Variants in ENPP2 observed in about 807,000 individuals in gnomAD.
ENPP2 encodes the protein autotaxin.
Under a neutral mutation model 120.2 loss-of-function variants are expected in ENPP2, and 51 were observed. That is an observed-to-expected ratio of 0.42 (90% CI 0.34 to 0.54). The LOEUF (loss-of-function observed/expected upper bound fraction) is 0.54, where lower values mean the gene tolerates loss of function less well. Ranked by LOEUF, ENPP2 falls within the 20% of genes least tolerant of loss-of-function variation. The pLI is 0.04. For missense variants in ENPP2, 920 were observed against 1,066.5 expected, an observed-to-expected ratio of 0.86 and a Z score of 1.91; for synonymous variants, 365 against 366.4, an observed-to-expected ratio of 1.00 and a Z score of 0.04.
chr8:119,569,263 C>T lies in ENPP2; in HGVS notation c.2025G>A (p.Gln675=), dbSNP rs1306897689. The change falls in exon 21 of 25, where the codon CAG becomes CAA. Residue 675 remains glutamine (Q), a synonymous_variant. Transcript: ENST00000075322. ...GAGGAAAGAGGAATCCGTAGGACAT[C>T]TGCTTATCATTTTTGTAGGCCAAAC... ...QNCLAYKNDK[Q]MSYGFLFPPY... The T allele has an allele frequency of 8.7e-6, 14 of 1,613,964 alleles. No homozygotes were observed. The highest frequency in any genetic ancestry group is 3.3e-5 in the Admixed American group (2 of 60,000).
At chr8:119,576,478 ATTG>A (rs1554607410) in intron 19 of ENPP2, among the ~76,000 whole-genome samples, 2 of 152,152 alleles carry the variant, frequency 1.3e-5, no homozygotes, top group Non-Finnish European at 2.9e-5. Flanking sequence ...CTAACTTCTC[ATTG>A]TGTATGATAA....
At chr8:119,607,519 C>T (rs1814803275) in intron 9 of ENPP2, among the ~76,000 whole-genome samples, 1 of 151,750 alleles carries the variant, frequency 6.6e-6, no homozygotes, top group South Asian at 2.1e-4. Context: ...ACTAAAGATA[C>T]AAAAAATTAG....
chr8:119,568,031 A>G, intron 22 of ENPP2, 144 bp downstream of exon 22: 1 of 577,232 alleles, frequency 1.7e-6, no homozygotes, highest in Non-Finnish European at 3.1e-6. Flanking sequence ...TAGAAAGTTT[A>G]CATGAAAGAT....
intron 18 of ENPP2, among the ~76,000 whole-genome samples, chr8:119,581,761 TC>T (rs1563691370): frequency 7.0e-6 from 1 of 142,354 alleles, no homozygotes; most frequent in Admixed American, 7.6e-5. Flanking sequence ...TTTTTTCATT[TC>T]CTTTTTTTTT....
At chr8:119,632,543 A>G (rs190872188) in intron 2 of ENPP2, among the ~76,000 whole-genome samples, 229 of 152,356 alleles carry the variant, frequency 1.5e-3, no homozygotes, top group African/African-American at 5.2e-3. Flanking sequence ...TAGAAACCTC[A>G]AATTTTAAAA....
At chr8:119,591,624 A>G (rs60287188) in intron 12 of ENPP2, among the ~76,000 whole-genome samples, 3,043 of 152,208 alleles carry the variant, frequency 0.02, 105 homozygotes, top group African/African-American at 0.069. Context: ...AGGATGCCCA[A>G]AGGTTTTAAA....
chr8:119,562,003 G>A (rs535007807), intron 24 of ENPP2, among the ~76,000 whole-genome samples: 26 of 152,234 alleles, frequency 1.7e-4, no homozygotes, highest in African/African-American at 4.3e-4. Context: ...TGTGCGTGGT[G>A]GTGGGCGCCT....
In ENPP2 at chr8:119,638,371, C is replaced by T. The variant is rs557870912; in HGVS notation, c.136+54G>A. On this transcript the variant is annotated intron_variant, in intron 2 of 24. Coordinates refer to ENST00000075322, the MANE Select transcript of ENPP2 (RefSeq NM_001040092.3). ...TATTTTAATAAGCTTACATTGATTA[C>T]CCCGTATGTAATATTTTTAAAAAAT... 16 of 849,856 alleles carry T rather than the reference C, an allele frequency of 1.9e-5. No homozygotes were observed. The African/African-American group carries it at 2.7e-4, about 14-fold the overall frequency. 52.6% of individuals were successfully genotyped at this position (849,856 alleles called of 1,614,324 possible). A position where few individuals can be genotyped will look rare whatever the true frequency, so the allele number is the denominator to read the frequency against.
chr8:119,618,279 T>C (rs780543595), intron 5 of ENPP2: 5 of 499,918 alleles, frequency 1.0e-5, no homozygotes, highest in South Asian at 1.4e-5. Context: ...AAATACTCCA[T>C]GAGTGTATCC....
At chr8:119,639,536 G>A (rs1817200555), upstream of ENPP2, among the ~76,000 whole-genome samples, 1 of 152,102 alleles carries the variant, frequency 6.6e-6, no homozygotes, top group Non-Finnish European at 1.5e-5. Flanking sequence ...CTTCTGCCCT[G>A]GGAGGACGGA....
In ENPP2 at chr8:119,562,931, C is replaced by T. The variant is rs201911203; in HGVS notation, c.2347G>A (p.Asp783Asn). The T allele has an allele frequency of 5.6e-6, 9 of 1,614,076 alleles. No individual in the cohort carries two copies. The highest frequency in any genetic ancestry group is 5.0e-5 in the Admixed American group (3 of 60,008). Reference sequence around the variant, plus strand: ...ACAGAGAGAGGGCCGTCACACTTGTCGGCAGGCTGAGTGAAATCCAGACAG... The same window carrying T: ...ACAGAGAGAGGGCCGTCACACTTGTTGGCAGGCTGAGTGAAATCCAGACAG... ...TSCLDFTQPA[D>N]KCDGPLSVSS... The change falls in exon 24 of 25, where the codon GAC becomes AAC. Residue 783 changes from aspartate to asparagine, a missense_variant. Transcript: ENST00000075322.
At chr8:119,617,442 A>G (rs1815541710) in intron 6 of ENPP2, 24 bp downstream of exon 6, 2 of 1,501,214 alleles carry the variant, frequency 1.3e-6, no homozygotes, top group Non-Finnish European at 1.8e-6. Context: ...ACAGATAAGA[A>G]CACAGAGTAT....
intron 8 of ENPP2, among the ~76,000 whole-genome samples, chr8:119,612,746 C>T (rs980205160): frequency 6.6e-6 from 1 of 152,040 alleles, no homozygotes; most frequent in Non-Finnish European, 1.5e-5. Context: ...AAAAATTAGC[C>T]AGGCATGGTA....
chr8:119,653,954 GTAATA>G (rs996693134), intron 1 of ENPP2, among the ~76,000 whole-genome samples: 1 of 146,868 alleles, frequency 6.8e-6, no homozygotes, highest in Non-Finnish European at 1.5e-5. Flanking sequence ...TATATAATAT[GTAATA>G]TAATAGATTA....
In ENPP2 at chr8:119,594,722, TCAGA is replaced by T. The variant is rs573141235; in HGVS notation, c.973-866_973-863del. On this transcript the variant is annotated intron_variant, in intron 11 of 24. Coordinates refer to ENST00000075322, the MANE Select transcript of ENPP2 (RefSeq NM_001040092.3). ...GGAAAGATTTTTAAGAAACATCTGATCAGACAAAGAATAGAAAGATACAGGGAGT... is the reference window on the plus strand; with the variant it reads ...GGAAAGATTTTTAAGAAACATCTGATCAAAGAATAGAAAGATACAGGGAGT... Among the ~76,000 whole-genome samples the T allele has an allele frequency of 1.3e-3, 201 of 152,292 alleles. 2 individuals are homozygous for T. The highest frequency in any genetic ancestry group is 4.8e-3 in the African/African-American group (198 of 41,562).
At chr8:119,663,119 C>CA (rs34922221) in intron 1 of ENPP2, among the ~76,000 whole-genome samples, 197 of 120,348 alleles carry the variant, frequency 1.6e-3, no homozygotes, top group Middle Eastern at 9.2e-3. Context: ...ACTCTTGTCT[C>CA]AAAAAAAAAA....
chr8:119,601,227 T>A (rs1368474740), intron 10 of ENPP2, among the ~76,000 whole-genome samples, 170 bp downstream of exon 10: 1 of 152,218 alleles, frequency 6.6e-6, no homozygotes, highest in African/African-American at 2.4e-5. Context: ...ATGGTCCCAA[T>A]AACCAAAGTC....
intron 1 of ENPP2, among the ~76,000 whole-genome samples, chr8:119,654,086 G>C (rs1375842839): frequency 7.0e-6 from 1 of 142,520 alleles, no homozygotes; most frequent in African/African-American, 2.6e-5. Flanking sequence ...TATATATTAT[G>C]TGTTATATAT....
chr8:119,590,898 A>G (rs1228273753), intron 12 of ENPP2, among the ~76,000 whole-genome samples: 1 of 151,842 alleles, frequency 6.6e-6, no homozygotes, highest in African/African-American at 2.4e-5. Flanking sequence ...TAAGTCACTC[A>G]GCCAGAATAG....
Sources: allele counts gnomAD v4.1 joint callset (sites outside exome capture counted in the v4.1 genomes callset), GRCh38; gene constraint gnomAD v4.1.1; transcripts MANE v1.5; gene names NCBI Gene and HGNC (gene_info 2026-07-23, HGNC 2026-07-21).